HIVEP3: variants seen among roughly 807,000 people sequenced by gnomAD.
HIVEP3 encodes the protein HIVEP zinc finger 3.
A neutral mutation model predicts 152.8 loss-of-function variants in HIVEP3; 49 were observed. The observed-to-expected ratio is 0.32, with a 90% CI of 0.26 to 0.41. HIVEP3 has a LOEUF of 0.41. HIVEP3 is among the 10% of genes least tolerant of loss of function. The pLI, the probability that HIVEP3 is intolerant of heterozygous loss-of-function variation, is 1.00. For missense variants in HIVEP3, 2,790 were observed against 3,103.3 expected, an observed-to-expected ratio of 0.90 and a Z score of 2.40; for synonymous variants, 1,269 against 1,289.0, an observed-to-expected ratio of 0.98 and a Z score of 0.33.
At chr1:41,687,732 GCTTATCTA>G (rs1646135263) in intron 2 of HIVEP3, among the ~76,000 whole-genome samples, 1 of 152,200 alleles carries the variant, frequency 6.6e-6, no homozygotes, top group South Asian at 2.1e-4. Context: ...CCCTCACCCT[GCTTATCTA>G]CCAAAAGGTG....
In HIVEP3 at chr1:41,913,660, C is replaced by A. The variant is rs1005499300; in HGVS notation, c.-801+4753G>T. ...GATCCTCCTGTGTCAGCCTCCTGAG[C>A]AGCTGGCATTACAGGCATGAGCCAC... On this transcript the variant is annotated intron_variant, in intron 1 of 8. Transcript: ENST00000372583. Among the ~76,000 whole-genome samples the A allele has an allele frequency of 7.9e-5, 12 of 152,254 alleles. No individual in the cohort carries two copies. In the East Asian group the frequency reaches 2.3e-3, roughly 29 times the overall value.
In HIVEP3 at chr1:41,580,047, T is replaced by A. The variant is rs549357434; in HGVS notation, c.4751A>T (p.Gln1584Leu). ...TACCTTCTTTGAGTCCGTACCTTCT[T>A]GTGACTTGGCTGGTCTGGAGGACGT... Reference protein sequence around the residue: ...SETSSRPAKSQEGTDSKKVLQ... With the variant: ...SETSSRPAKSLEGTDSKKVLQ... The change falls in exon 4 of 9, where the codon CAA becomes CTA. Residue 1584 changes from glutamine (Q) to leucine (L), a missense_variant. Physicochemically the swap from Gln to Leu is moderately radical, Grantham distance 113 (BLOSUM62 -2). Around this residue, in one of 9 missense-constraint regions of HIVEP3, gnomAD observed 1,078 missense variants for 1,165.3 expected, o/e 0.93. Coordinates refer to ENST00000372583, the MANE Select transcript of HIVEP3 (RefSeq NM_024503.5). 1 of 1,614,194 alleles carries A rather than the reference T, an allele frequency of 6.2e-7. No homozygotes were observed. Among genetic ancestry groups the A allele is most frequent in the South Asian group, 1.1e-5 (1 of 91,086 alleles).
chr1:41,971,157 C>T (rs1489912266), intron 1 of HIVEP3, among the ~76,000 whole-genome samples: 10 of 152,108 alleles, frequency 6.6e-5, no homozygotes, highest in Admixed American at 2.6e-4. Flanking sequence ...ACTGCCACAC[C>T]GCAGGGTATT....
In HIVEP3 at chr1:41,509,824, A is replaced by AAAC. The variant is rs1644423426; in HGVS notation, c.*626_*627insGTT. On this transcript the variant is annotated 3_prime_UTR_variant, in exon 9 of 9. Transcript: ENST00000372583. ...AAAAGTATCATTTTATTTTCTTGCA[A>AAAC]AAAAAAAAAAAAAAAAAAAAAAGGA... is the stretch of plus-strand genomic sequence containing the variant. The AAAC allele has an allele frequency of 1.5e-5, 1 of 67,692 alleles. No individual in the cohort carries two copies. The highest frequency in any genetic ancestry group is 1.3e-4 in the Admixed American group (1 of 7,792). The allele number at this position is 67,692 out of a possible 1,614,324, so 4.2% of individuals were successfully genotyped here.
At chr1:41,523,098 T>C (rs1642806558) in intron 6 of HIVEP3, among the ~76,000 whole-genome samples, 1 of 152,246 alleles carries the variant, frequency 6.6e-6, no homozygotes, top group Non-Finnish European at 1.5e-5. Flanking sequence ...TGATAAGTTT[T>C]CCACTTTTAG....
rs575103863 is a variant in HIVEP3 at position 41,577,043 on chromosome 1, G to A, written c.5062-1354C>T. On this transcript the variant is annotated intron_variant, in intron 4 of 8. Transcript: ENST00000372583. ...TCTAGACTGTCCATGTAATGACCAA[G>A]GTGCCTCCCACAGGCAAACAGACTA... Among the ~76,000 whole-genome samples, 6 of 152,252 alleles carry A rather than the reference G, an allele frequency of 3.9e-5. No individual in the cohort carries two copies. The East Asian group carries it at 9.7e-4, about 25-fold the overall frequency.
chr1:41,816,729 C>T (rs1311716444), intron 1 of HIVEP3, among the ~76,000 whole-genome samples: 1 of 152,128 alleles, frequency 6.6e-6, no homozygotes, highest in African/African-American at 2.4e-5. Flanking sequence ...ATTCTTACAG[C>T]ATTTGTTGGT....
chr1:41,948,277 C>A (rs568640185), intron 1 of HIVEP3, among the ~76,000 whole-genome samples: 38 of 152,280 alleles, frequency 2.5e-4, no homozygotes, highest in Non-Finnish European at 3.8e-4. Flanking sequence ...CTCACTCGGG[C>A]ACTAGAATTA....
rs1645151865 is a variant in HIVEP3 at position 41,628,717 on chromosome 1, A to C, written c.-522+32T>G. On this transcript the variant is annotated intron_variant, in intron 3 of 8. Transcript: ENST00000372583. ...AAGACAGACCAACATGGCGCCTGGC[A>C]AGCATATTCAGCAACAGCCCCCATT... 6 of 1,225,180 alleles carry C rather than the reference A, an allele frequency of 4.9e-6. No individual in the cohort carries two copies. In the South Asian group the frequency reaches 2.5e-4, roughly 51 times the overall value. The allele number at this position is 1,225,180 out of a possible 1,614,324, so 75.9% of individuals were successfully genotyped here.
intron 5 of HIVEP3, among the ~76,000 whole-genome samples, chr1:41,567,300 T>C (rs910372851): frequency 2.0e-5 from 3 of 152,226 alleles, no homozygotes; most frequent in East Asian, 3.8e-4. Context: ...TCTAAACCAT[T>C]GATGTCTCAC....
At chr1:41,767,807 T>C (rs1648108243) in intron 1 of HIVEP3, among the ~76,000 whole-genome samples, 1 of 152,240 alleles carries the variant, frequency 6.6e-6, no homozygotes, top group East Asian at 1.9e-4. Context: ...TTTGTTCATC[T>C]GGCCCAAACT....
At chr1:41,566,376 C>T (rs1009873682) in intron 5 of HIVEP3, among the ~76,000 whole-genome samples, 1 of 152,150 alleles carries the variant, frequency 6.6e-6, no homozygotes, top group Admixed American at 6.5e-5. Context: ...TCATCAATGC[C>T]CCTGCAGGTC....
intron 5 of HIVEP3, among the ~76,000 whole-genome samples, chr1:41,527,247 A>ACTC (rs1642999742): frequency 2.0e-5 from 1 of 49,380 alleles, no homozygotes; most frequent in African/African-American, 9.2e-5. Flanking sequence ...CTCACCTCAC[A>ACTC]CACACACACC....
intron 1 of HIVEP3, among the ~76,000 whole-genome samples, chr1:41,713,347 GC>G (rs1646543384): frequency 6.6e-6 from 1 of 152,190 alleles, no homozygotes; most frequent in South Asian, 2.1e-4. Flanking sequence ...AAGTCCCTGA[GC>G]CTCCTGCCTG....
intron 2 of HIVEP3, among the ~76,000 whole-genome samples, chr1:41,654,536 T>C (rs1436302119): frequency 6.6e-6 from 1 of 152,244 alleles, no homozygotes; most frequent in East Asian, 1.9e-4. Flanking sequence ...AGACCCCATA[T>C]AGCTTCTACT....
At chr1:41,846,613 T>C (rs1301334263) in intron 1 of HIVEP3, among the ~76,000 whole-genome samples, 2 of 152,264 alleles carry the variant, frequency 1.3e-5, no homozygotes, top group East Asian at 1.9e-4. Flanking sequence ...TCATATTTTT[T>C]CCTTGGGACT....
intron 1 of HIVEP3, among the ~76,000 whole-genome samples, chr1:41,917,032 G>A (rs994790532): frequency 1.3e-5 from 2 of 152,094 alleles, no homozygotes; most frequent in African/African-American, 4.8e-5. Flanking sequence ...AGGGACACAC[G>A]ATCACTGACC....
chr1:41,604,129 A>G, intron 3 of HIVEP3, among the ~76,000 whole-genome samples: 1 of 152,224 alleles, frequency 6.6e-6, no homozygotes. Flanking sequence ...GGCAAAGACT[A>G]ATGCCACACA....
Position 41,533,149 on chromosome 1 carries a change from G to A in HIVEP3, c.5208-8239C>T, listed in dbSNP as rs960776174. On this transcript the variant is annotated intron_variant, in intron 5 of 8. Coordinates refer to ENST00000372583, the MANE Select transcript of HIVEP3 (RefSeq NM_024503.5). This position sits in a 1 kb window ranked among gnomAD's most constrained non-coding sequence, Gnocchi z 4.3. Reference sequence around the variant, plus strand: ...CCTGGAACCTGTGGCTCCTCTGCTCGTTGAAGGCCAGGACCGAGGCTTGTC... The same window carrying A: ...CCTGGAACCTGTGGCTCCTCTGCTCATTGAAGGCCAGGACCGAGGCTTGTC... Among the ~76,000 whole-genome samples, 3 of 152,124 alleles carry A rather than the reference G, an allele frequency of 2.0e-5. No homozygotes were observed. The highest frequency in any genetic ancestry group is 2.9e-5 in the Non-Finnish European group (2 of 68,024).
Sources: gnomAD v4.1 joint callset for allele counts (sites outside exome capture counted in the v4.1 genomes callset) on GRCh38, gnomAD v4.1.1 for gene constraint, gnomAD v4.1.1 regional missense constraint, Gnocchi (gnomAD v3.1) non-coding constraint, MANE v1.5 for transcripts, NCBI Gene and HGNC (gene_info 2026-07-23, HGNC 2026-07-21) for gene names.